The following STON2 variants were observed in gnomAD, a reference collection of about 807,000 sequenced individuals.
The protein encoded by STON2 is stonin-2.
STON2 carries 29 observed loss-of-function variants against 65.7 expected under a neutral mutation model. The ratio of observed to expected loss-of-function variants is 0.44; its 90% CI spans 0.33 to 0.60. The LOEUF is 0.60. Ranked by LOEUF, STON2 falls within the 20% of genes least tolerant of loss-of-function variation. The pLI, the probability that STON2 is intolerant of heterozygous loss-of-function variation, is 0.03. For missense variants in STON2, 1,054 were observed against 1,118.1 expected (o/e 0.94, Z 0.82); for synonymous variants, 404 against 414.2 (o/e 0.98, Z 0.30).
Position 81,262,232 on chromosome 14 carries a change from A to G in STON2, c.*6182T>C, listed in dbSNP as rs916173369. 1.0e-6 allele frequency: 1 copy of G among 985,324 alleles called. No homozygotes were observed. Among genetic ancestry groups the G allele is most frequent in the African/African-American group, 1.7e-5 (1 of 57,236 alleles). The allele number at this position is 985,324 out of a possible 1,614,324, so 61.0% of individuals were successfully genotyped here. ...ATTGTCTCCATGGCTATGTCCTGTA[A>G]AGATTCACAGAAACCCCAATTTCCC... On this transcript the variant is annotated 3_prime_UTR_variant, in exon 8 of 8. Coordinates refer to ENST00000614646, the MANE Select transcript of STON2 (RefSeq NM_001394390.1).
At chr14:81,296,223 G>T (rs931894683) in intron 5 of STON2, among the ~76,000 whole-genome samples, 2 of 152,190 alleles carry the variant, frequency 1.3e-5, no homozygotes, top group South Asian at 4.1e-4. Context: ...TATATGCAAC[G>T]TCTGGCTGCC....
chr14:81,328,692 A>G (rs1424968218), intron 4 of STON2, among the ~76,000 whole-genome samples: 2 of 152,108 alleles, frequency 1.3e-5, no homozygotes, highest in African/African-American at 4.8e-5. Context: ...TGTATGGGTA[A>G]TGGGGTGGAT....
intron 5 of STON2, among the ~76,000 whole-genome samples, chr14:81,315,907 C>T (rs1034173012): frequency 1.3e-5 from 2 of 152,290 alleles, no homozygotes; most frequent in South Asian, 2.1e-4. Flanking sequence ...ACAGCAAAAA[C>T]GTCACCAGAA....
chr14:81,426,355 A>G (rs1901972649), intron 2 of STON2, among the ~76,000 whole-genome samples: 1 of 152,242 alleles, frequency 6.6e-6, no homozygotes, highest in South Asian at 2.1e-4. Context: ...ACCTCGAGCC[A>G]GCTTGAATTT....
At chr14:81,391,453 G>C (rs1423947508) in intron 3 of STON2, among the ~76,000 whole-genome samples, 2 of 152,102 alleles carry the variant, frequency 1.3e-5, no homozygotes, top group African/African-American at 2.4e-5. Context: ...GGCAGGAGTG[G>C]GGGGCTAACG....
In STON2 at chr14:81,262,898, A is replaced by T; in HGVS notation, c.*5516T>A. 1.0e-6 allele frequency: 1 copy of T among 985,466 alleles called. No homozygotes were observed. Among genetic ancestry groups the T allele is most frequent in the Non-Finnish European group, 1.2e-6 (1 of 829,926 alleles). The allele number at this position is 985,466 out of a possible 1,614,324, so 61.0% of individuals were successfully genotyped here. On this transcript the variant is annotated 3_prime_UTR_variant, in exon 8 of 8. Transcript: ENST00000614646. ...TTAATTCCTTAAACACATAAATATG[A>T]GTCATGATATCTAAAGCCAGTCTCA...
At chr14:81,340,399 G>C (rs1897560399) in intron 4 of STON2, among the ~76,000 whole-genome samples, 1 of 152,072 alleles carries the variant, frequency 6.6e-6, no homozygotes, top group Non-Finnish European at 1.5e-5. Context: ...TTCACAGGTG[G>C]GTACATGTGT....
intron 5 of STON2, among the ~76,000 whole-genome samples, chr14:81,317,705 C>T (rs1031747608): frequency 2.0e-5 from 3 of 152,158 alleles, no homozygotes; most frequent in Admixed American, 1.3e-4. Context: ...TAGATGGAAA[C>T]TCATATCTTT....
At chr14:81,349,834 C>T (rs565139228) in intron 4 of STON2, among the ~76,000 whole-genome samples, 4 of 152,020 alleles carry the variant, frequency 2.6e-5, no homozygotes, top group Non-Finnish European at 5.9e-5. Flanking sequence ...CCTAAGTGTC[C>T]ACCAATGGAT....
At chr14:81,380,447 T>C (rs143162694) in intron 3 of STON2, among the ~76,000 whole-genome samples, 40 of 152,304 alleles carry the variant, frequency 2.6e-4, no homozygotes, top group African/African-American at 8.9e-4. Context: ...CTCAAAGAAC[T>C]TAAAACAGAA....
At chr14:81,270,924 G>A (rs751033992) in intron 6 of STON2, 52 bp from the exon 7 acceptor site, 4 of 1,581,870 alleles carry the variant, frequency 2.5e-6, no homozygotes, top group Non-Finnish European at 3.4e-6. Flanking sequence ...GAAAGTGGAA[G>A]GAGCAGCCAA....
intron 7 of STON2, chr14:81,269,674 A>G: frequency 8.1e-6 from 8 of 985,242 alleles, no homozygotes; most frequent in Non-Finnish European, 9.6e-6. Flanking sequence ...AAACATTTAG[A>G]GGAACAATAA....
At position 81,409,154 on chromosome 14, in the gene STON2, T is replaced by C. The variant is rs56868920; in HGVS notation, c.-198-10574A>G. ...GCACAGTGGCTCACGCCTGTAATCC[T>C]AACAATTTGGAAGGCCGAGGAGGGA... On this transcript the variant is annotated intron_variant, in intron 2 of 8. Coordinates refer to the STON2 transcript ENST00000553821. Among the ~76,000 whole-genome samples the C allele has an allele frequency of 3.0e-3, 455 of 152,246 alleles. 9 individuals carry two copies. In the East Asian group the frequency reaches 0.047, roughly 16 times the overall value.
At chr14:81,323,479 T>C (rs1287328047) in intron 5 of STON2, 1 of 152,238 alleles carries the variant, frequency 6.6e-6, no homozygotes, top group Non-Finnish European at 1.5e-5. Context: ...ACCTTCATGT[T>C]CACAAATATT....
At chr14:81,275,981 C>T (rs557564830) in intron 6 of STON2, among the ~76,000 whole-genome samples, 3 of 152,312 alleles carry the variant, frequency 2.0e-5, no homozygotes, top group African/African-American at 4.8e-5. Context: ...GCTCAGCTAG[C>T]GTATCCACTT....
chr14:81,275,001 G>C (rs1176833992), intron 6 of STON2, among the ~76,000 whole-genome samples: 1 of 151,452 alleles, frequency 6.6e-6, no homozygotes, highest in African/African-American at 2.4e-5. Context: ...ACATCCATTA[G>C]TCTCTATGAC....
chr14:81,261,856 T>G lies in STON2; in HGVS notation c.*6558A>C, dbSNP rs1894157912. 1 of 1,534,698 alleles carries G rather than the reference T, an allele frequency of 6.5e-7. No homozygotes were observed. The highest frequency in any genetic ancestry group is 8.7e-7 in the Non-Finnish European group (1 of 1,146,588). ...TTCCACCTGATCTTCACCACCCTCT[T>G]TGATCCTCTTTTTAAATCTGTGTGT... On this transcript the variant is annotated 3_prime_UTR_variant, in exon 8 of 8. Coordinates refer to ENST00000614646, the MANE Select transcript of STON2 (RefSeq NM_001394390.1).
At chr14:81,268,898 C>G (rs1566878565) in intron 7 of STON2, among the ~76,000 whole-genome samples, 1 of 152,166 alleles carries the variant, frequency 6.6e-6, no homozygotes, top group Non-Finnish European at 1.5e-5. Flanking sequence ...GGATCTTGTT[C>G]AATATTTTAT....
At chr14:81,405,522 G>GTTTT (rs60663114) in intron 2 of STON2, among the ~76,000 whole-genome samples, 3 of 107,410 alleles carry the variant, frequency 2.8e-5, no homozygotes, top group African/African-American at 3.9e-5. Context: ...CTTTCCTAAG[G>GTTTT]TTTTTTTTTT....
Sources: allele counts gnomAD v4.1 joint callset (sites outside exome capture counted in the v4.1 genomes callset), GRCh38; gene constraint gnomAD v4.1.1; transcripts MANE v1.5; gene names NCBI Gene and HGNC (gene_info 2026-07-23, HGNC 2026-07-21).